The following ARMH4 variants were observed in gnomAD, a reference collection of about 807,000 sequenced individuals.
The protein encoded by ARMH4 is armadillo-like helical domain-containing protein 4.
In ARMH4, 49 loss-of-function variants were observed where a neutral mutation model predicts 61.9. The ratio of observed to expected loss-of-function variants is 0.79; its 90% CI spans 0.63 to 1.00. The LOEUF (loss-of-function observed/expected upper bound fraction) is 1.00, where lower values mean the gene tolerates loss of function less well. ARMH4 is among the 50% of genes least tolerant of loss of function. The pLI is 0.00. For missense variants in ARMH4, 934 were observed against 930.0 expected (o/e 1.00, Z -0.06); for synonymous variants, 368 against 341.5 (o/e 1.08, Z -0.85).
intron 4 of ARMH4, among the ~76,000 whole-genome samples, chr14:58,111,966 T>C (rs1225803880): frequency 6.6e-6 from 1 of 152,160 alleles, no homozygotes; most frequent in Non-Finnish European, 1.5e-5. Context: ...AGTTCTGGGA[T>C]TAAAGGCATG....
chr14:58,140,899 A>G (rs1887525480), intron 1 of ARMH4, among the ~76,000 whole-genome samples: 1 of 152,176 alleles, frequency 6.6e-6, no homozygotes, highest in South Asian at 2.1e-4. Context: ...GTGAAACTCC[A>G]TCTCAAAATA....
chr14:58,033,008 T>G, intron 5 of ARMH4, among the ~76,000 whole-genome samples: 1 of 125,804 alleles, frequency 7.9e-6, no homozygotes, highest in Non-Finnish European at 1.7e-5. Context: ...CTTGCTTAGG[T>G]AAACAAAGCA....
rs1212491190 is a variant in ARMH4, at chr14:58,097,523, ATC to A, written c.1832-544_1832-543del. 2.6e-5 allele frequency among the ~76,000 whole-genome samples: 4 copies of A among 152,214 alleles called. 1 individual carries two copies. Among genetic ancestry groups the A allele is most frequent in the Admixed American group, 2.6e-4 (4 of 15,280 alleles). On this transcript the variant is annotated intron_variant, in intron 4 of 7. Transcript: ENST00000267485. ...ATCTTGTTCTCTCTAAGGAAGAGTA[ATC>A]CAAGAAACTGGAAATAATTGCATCA...
intron 5 of ARMH4, among the ~76,000 whole-genome samples, chr14:58,041,511 C>T (rs562794800): frequency 3.3e-5 from 5 of 152,232 alleles, no homozygotes; most frequent in East Asian, 1.9e-4. Context: ...TAAAGACCAT[C>T]GATGCTAGGA....
At chr14:58,130,680 G>A (rs1350632505) in intron 4 of ARMH4, among the ~76,000 whole-genome samples, 1 of 152,176 alleles carries the variant, frequency 6.6e-6, no homozygotes, top group African/African-American at 2.4e-5. Flanking sequence ...GTCTTGGAAA[G>A]TACAATTTGG....
intron 5 of ARMH4, among the ~76,000 whole-genome samples, chr14:58,023,795 T>C (rs545634884): frequency 1.2e-4 from 18 of 152,326 alleles, no homozygotes; most frequent in African/African-American, 3.1e-4. Flanking sequence ...AGAATGGACA[T>C]TGTATTAGTA....
chr14:58,017,685 T>C (rs939486827), intron 5 of ARMH4, among the ~76,000 whole-genome samples: 3 of 152,150 alleles, frequency 2.0e-5, no homozygotes, highest in Non-Finnish European at 4.4e-5. Context: ...TTAATATTAT[T>C]TAAATGTCCA....
intron 2 of ARMH4, among the ~76,000 whole-genome samples, chr14:58,134,061 T>C (rs1346177132): frequency 6.6e-6 from 1 of 152,260 alleles, no homozygotes; most frequent in East Asian, 1.9e-4. Context: ...TAATAGTATC[T>C]ATCTCACAGA....
At chr14:58,127,081 G>A (rs969309360) in intron 4 of ARMH4, among the ~76,000 whole-genome samples, 2 of 151,976 alleles carry the variant, frequency 1.3e-5, no homozygotes, top group African/African-American at 2.4e-5. Flanking sequence ...GGATTACCCC[G>A]GCCAAGAATT....
At chr14:58,084,523 G>A (rs1566572615) in intron 5 of ARMH4, among the ~76,000 whole-genome samples, 2 of 152,212 alleles carry the variant, frequency 1.3e-5, no homozygotes, top group Middle Eastern at 3.4e-3. Context: ...ACAAATCTTC[G>A]GCAGTTGAAA....
intron 3 of ARMH4, among the ~76,000 whole-genome samples, chr14:58,131,928 G>A (rs1225346321): frequency 6.6e-6 from 1 of 152,170 alleles, no homozygotes; most frequent in Non-Finnish European, 1.5e-5. Context: ...TGTCTTACAG[G>A]AAAATGTATT....
chr14:58,150,465 A>T (rs1887885004), intron 1 of ARMH4, among the ~76,000 whole-genome samples: 1 of 152,244 alleles, frequency 6.6e-6, no homozygotes, highest in African/African-American at 2.4e-5. Flanking sequence ...GACATTTTCC[A>T]CAGCAGATAA....
intron 4 of ARMH4, among the ~76,000 whole-genome samples, chr14:58,098,003 G>C (rs1393808934): frequency 6.6e-6 from 1 of 152,060 alleles, no homozygotes; most frequent in Admixed American, 6.6e-5. Flanking sequence ...ATGCACCTCT[G>C]AAGCCCCTGG....
At chr14:58,143,215 G>A (rs781387606) in intron 1 of ARMH4, among the ~76,000 whole-genome samples, 1 of 152,278 alleles carries the variant, frequency 6.6e-6, no homozygotes, top group East Asian at 1.9e-4. Context: ...CAATGCTGCA[G>A]GGAAATACAG....
rs143849929 is a variant in ARMH4, at chr14:58,024,406, C to G, written c.2090-12256G>C. Among the ~76,000 whole-genome samples, 712 of 152,240 alleles carry G rather than the reference C, an allele frequency of 4.7e-3. 4 individuals carry two copies. The highest frequency in any genetic ancestry group is 4.9e-3 in the Non-Finnish European group (333 of 68,008). ...TCTGCAGCTTCCTCACTTCTCTCAG[C>G]CTTCATAGAATTTAAGAGAGTTAGG... is the stretch of plus-strand genomic sequence containing the variant. On this transcript the variant is annotated intron_variant, in intron 5 of 7. Coordinates refer to ENST00000267485, the MANE Select transcript of ARMH4 (RefSeq NM_001001872.4).
intron 5 of ARMH4, among the ~76,000 whole-genome samples, chr14:58,092,215 C>G (rs1377010771): frequency 6.6e-6 from 1 of 152,096 alleles, no homozygotes. Flanking sequence ...AGGTGATAAC[C>G]TATAAATAAA....
intron 5 of ARMH4, among the ~76,000 whole-genome samples, chr14:58,044,519 A>G (rs1409244643): frequency 1.3e-5 from 2 of 152,240 alleles, no homozygotes; most frequent in African/African-American, 4.8e-5. Context: ...ACCCTACAAG[A>G]AAACCTAGGC....
intron 5 of ARMH4, among the ~76,000 whole-genome samples, chr14:58,070,636 G>T (rs1314891755): frequency 1.3e-5 from 2 of 152,206 alleles, no homozygotes; most frequent in African/African-American, 4.8e-5. Context: ...TGAATGTCCA[G>T]CTCTTGGCAA....
At chr14:58,091,778 G>A (rs1287808705) in intron 5 of ARMH4, among the ~76,000 whole-genome samples, 3 of 152,128 alleles carry the variant, frequency 2.0e-5, no homozygotes, top group Non-Finnish European at 4.4e-5. Context: ...AATTAATTCT[G>A]CATATGTGAA....
Sources: gnomAD v4.1 joint callset for allele counts (sites outside exome capture counted in the v4.1 genomes callset) on GRCh38, gnomAD v4.1.1 for gene constraint, MANE v1.5 for transcripts, NCBI Gene and HGNC (gene_info 2026-07-23, HGNC 2026-07-21) for gene names.